The following FOXP2 variants were observed in gnomAD, a reference collection of about 807,000 sequenced individuals.
FOXP2 encodes forkhead box protein P2.
FOXP2 carries 12 observed loss-of-function variants against 115.8 expected under a neutral mutation model. That is an observed-to-expected ratio of 0.10 (90% CI 0.07 to 0.17). The LOEUF (loss-of-function observed/expected upper bound fraction) is 0.17, where lower values mean the gene tolerates loss of function less well. Ranked by LOEUF, FOXP2 falls within the 10% of genes least tolerant of loss-of-function variation. The probability of loss-of-function intolerance (pLI) is 1.00; values close to 1 mark genes in which losing one functional copy is unlikely to be tolerated. For synonymous variants in FOXP2, 328 were observed against 297.7 expected, an observed-to-expected ratio of 1.10 and a Z score of -1.05; for missense variants, 629 against 843.5, an observed-to-expected ratio of 0.75 and a Z score of 3.15.
At chr7:114,682,566 GC>G (rs1425436181) in intron 16 of FOXP2, among the ~76,000 whole-genome samples, 8 of 152,162 alleles carry the variant, frequency 5.3e-5, no homozygotes, top group African/African-American at 1.7e-4. Flanking sequence ...GTAACACATG[GC>G]ACCTTGAGGA....
At chr7:114,244,349 C>T (rs746215401) in intron 1 of FOXP2, among the ~76,000 whole-genome samples, 2 of 152,148 alleles carry the variant, frequency 1.3e-5, no homozygotes, top group Non-Finnish European at 2.9e-5. Context: ...TTTCTGGATA[C>T]CACATCATCC....
intron 16 of FOXP2, 83 bp downstream of exon 16, chr7:114,664,519 C>T: frequency 6.7e-7 from 1 of 1,496,234 alleles, no homozygotes. Context: ...GAAGTTTTTA[C>T]TGTTGTATAA....
At chr7:114,149,165 A>G (rs971906031) in intron 1 of FOXP2, among the ~76,000 whole-genome samples, 1 of 151,998 alleles carries the variant, frequency 6.6e-6, no homozygotes, top group Non-Finnish European at 1.5e-5. Flanking sequence ...GCCTTTTTTC[A>G]TGGAACATCA....
At chr7:114,683,610 C>T (rs149306117) in intron 16 of FOXP2, among the ~76,000 whole-genome samples, 54 of 152,164 alleles carry the variant, frequency 3.5e-4, no homozygotes, top group African/African-American at 1.2e-3. Flanking sequence ...GTGGACAGGT[C>T]GAAGTCTTTA....
intron 1 of FOXP2, among the ~76,000 whole-genome samples, chr7:114,181,859 A>C (rs1333739077): frequency 6.6e-6 from 1 of 152,120 alleles, no homozygotes; most frequent in Non-Finnish European, 1.5e-5. Context: ...CTATATCTGT[A>C]GAATGGTTCA....
At chr7:114,256,723 A>G (rs1046479272) in intron 1 of FOXP2, among the ~76,000 whole-genome samples, 2 of 152,108 alleles carry the variant, frequency 1.3e-5, no homozygotes, top group Non-Finnish European at 2.9e-5. Flanking sequence ...CGATTTGTCA[A>G]TTTTTGCTTT....
chr7:114,402,058 GTTGCAGTGA>G (rs1792899276), intron 2 of FOXP2, among the ~76,000 whole-genome samples: 1 of 152,172 alleles, frequency 6.6e-6, no homozygotes, highest in South Asian at 2.1e-4. Flanking sequence ...TGAGGCAGAG[GTTGCAGTGA>G]GCTGAGATCG....
chr7:114,551,284 T>C (rs370779157), intron 3 of FOXP2, among the ~76,000 whole-genome samples: 1 of 152,144 alleles, frequency 6.6e-6, no homozygotes, highest in African/African-American at 2.4e-5. Flanking sequence ...CCAGGTACCA[T>C]AGGGGATTCA....
At chr7:114,654,179 G>A in intron 10 of FOXP2, 170 bp downstream of exon 10, 1 of 1,443,076 alleles carries the variant, frequency 6.9e-7, no homozygotes, top group Non-Finnish European at 9.2e-7. Flanking sequence ...TTAAAGTAAT[G>A]CTATCTTTTA....
At chr7:114,177,721 A>C (rs1053264580) in intron 1 of FOXP2, among the ~76,000 whole-genome samples, 1 of 151,932 alleles carries the variant, frequency 6.6e-6, no homozygotes, top group Non-Finnish European at 1.5e-5. Flanking sequence ...TGTATGACAT[A>C]ATATTTTCAT....
chr7:114,103,379 A>G (rs935433094), intron 1 of FOXP2, among the ~76,000 whole-genome samples: 1 of 152,036 alleles, frequency 6.6e-6, no homozygotes, highest in Non-Finnish European at 1.5e-5. Flanking sequence ...ATCTCCAGCT[A>G]TATTTATTTA....
chr7:114,300,637 C>G (rs1796856288), intron 2 of FOXP2, among the ~76,000 whole-genome samples: 1 of 151,954 alleles, frequency 6.6e-6, no homozygotes, highest in African/African-American at 2.4e-5. Flanking sequence ...CTCAAGCATT[C>G]TTAGTAATAA....
intron 2 of FOXP2, among the ~76,000 whole-genome samples, chr7:114,511,310 A>C (rs1168982754): frequency 2.0e-5 from 3 of 152,140 alleles, no homozygotes; most frequent in African/African-American, 7.2e-5. Flanking sequence ...CCTATGGAAC[A>C]AGCCTGCACG....
Position 114,139,390 on chromosome 7 carries a change from T to C in FOXP2, c.-246-23554T>C, listed in dbSNP as rs1485301688. Among the ~76,000 whole-genome samples, 5 of 152,144 alleles carry C rather than the reference T, an allele frequency of 3.3e-5. No individual in the cohort carries two copies. The East Asian group carries it at 5.8e-4, about 18-fold the overall frequency. ...CAGGTTCAACTTCTGCCCAGATCTA[T>C]AGGGTATAAAACATAATAAAAAAGG... On this transcript the variant is annotated intron_variant, in intron 1 of 19. Transcript: ENST00000635638.
intron 1 of FOXP2, among the ~76,000 whole-genome samples, chr7:114,182,525 A>G (rs1793483843): frequency 6.6e-6 from 1 of 152,062 alleles, no homozygotes; most frequent in African/African-American, 2.4e-5. Context: ...TCAAATATCA[A>G]GAGATATTCA....
chr7:114,439,991 A>G (rs1794530473), intron 2 of FOXP2, among the ~76,000 whole-genome samples: 1 of 152,188 alleles, frequency 6.6e-6, no homozygotes. Flanking sequence ...AATCACCAGC[A>G]TTTGTAGAAA....
At chr7:114,505,407 C>T (rs1439520033) in intron 2 of FOXP2, among the ~76,000 whole-genome samples, 1 of 151,460 alleles carries the variant, frequency 6.6e-6, no homozygotes, top group Non-Finnish European at 1.5e-5. Context: ...TTTAAAATGT[C>T]AGGCTTTTCA....
intron 1 of FOXP2, among the ~76,000 whole-genome samples, chr7:114,280,915 C>T (rs1796319131): frequency 6.6e-6 from 1 of 151,924 alleles, no homozygotes; most frequent in Admixed American, 6.6e-5. Context: ...CTATCCTTGT[C>T]CTTGGAAAAT....
intron 16 of FOXP2, among the ~76,000 whole-genome samples, chr7:114,683,457 C>T (rs1369426022): frequency 6.6e-6 from 1 of 152,154 alleles, no homozygotes; most frequent in Non-Finnish European, 1.5e-5. Context: ...CTTGGACAGT[C>T]ACTCCTTTAC....
Sources: allele counts gnomAD v4.1 joint callset (sites outside exome capture counted in the v4.1 genomes callset), GRCh38; gene constraint gnomAD v4.1.1; transcripts MANE v1.5; gene names NCBI Gene and HGNC (gene_info 2026-07-23, HGNC 2026-07-21).